FHIT: variants seen among roughly 807,000 people sequenced by gnomAD.
FHIT encodes the protein fragile histidine triad diadenosine triphosphatase.
A neutral mutation model predicts 17.9 loss-of-function variants in FHIT; 19 were observed. The observed-to-expected ratio is 1.06, with a 90% CI of 0.74 to 1.56. The LOEUF (loss-of-function observed/expected upper bound fraction) is 1.56. Ranked by LOEUF, FHIT falls within the 40% of genes most tolerant of loss-of-function variation. The pLI is 0.00. For missense variants in FHIT, 248 were observed against 189.2 expected (o/e 1.31, Z -1.82); for synonymous variants, 81 against 69.7 (o/e 1.16, Z -0.81).
intron 4 of FHIT, among the ~76,000 whole-genome samples, chr3:60,757,721 A>T (rs557176939): frequency 6.6e-6 from 1 of 152,300 alleles, no homozygotes; most frequent in African/African-American, 2.4e-5. Context: ...ATACCACTAG[A>T]GTGCGTTTGG....
At chr3:60,388,158 T>C (rs1701083772) in intron 5 of FHIT, among the ~76,000 whole-genome samples, 1 of 152,194 alleles carries the variant, frequency 6.6e-6, no homozygotes, top group Non-Finnish European at 1.5e-5. Flanking sequence ...GGTATTCTTT[T>C]ACAGCACACA....
chr3:61,106,804 G>C (rs2036004372), intron 2 of FHIT, among the ~76,000 whole-genome samples: 1 of 152,122 alleles, frequency 6.6e-6, no homozygotes, highest in South Asian at 2.1e-4. Flanking sequence ...GGGACTACCG[G>C]CATGAGCCAC....
chr3:60,011,533 T>C (rs536016666), intron 6 of FHIT, 133 bp from the exon 7 acceptor site: 16 of 785,482 alleles, frequency 2.0e-5, no homozygotes, highest in South Asian at 6.2e-5. Context: ...ATGGGGACCA[T>C]TGGCTTCAAA....
chr3:60,729,425 C>T (rs138626612), intron 4 of FHIT, among the ~76,000 whole-genome samples: 1,587 of 152,212 alleles, frequency 0.01, 21 homozygotes, highest in Middle Eastern at 0.031. Context: ...GTGACTGAGT[C>T]CTAAGGTACA....
chr3:60,437,086 A>T lies in FHIT; in HGVS notation c.103+99774T>A, dbSNP rs542311891. 2.6e-5 allele frequency among the ~76,000 whole-genome samples: 4 copies of T among 152,276 alleles called. 1 individual carries two copies. The South Asian group carries it at 8.3e-4, about 32-fold the overall frequency. On this transcript the variant is annotated intron_variant, in intron 5 of 9. Coordinates refer to ENST00000492590, the MANE Select transcript of FHIT (RefSeq NM_002012.4). ...TTCCCCCTGTTCACAGGAGAGGCCA[A>T]CTAAAACCTAAAGTTTAGTACAACT... is the stretch of plus-strand genomic sequence containing the variant.
At chr3:60,152,214 C>T (rs1464183446) in intron 5 of FHIT, among the ~76,000 whole-genome samples, 2 of 152,086 alleles carry the variant, frequency 1.3e-5, no homozygotes, top group Non-Finnish European at 2.9e-5. Flanking sequence ...TAAAAGTTTG[C>T]CTGCAAGGTA....
chr3:60,769,637 G>A (rs1373318757), intron 4 of FHIT, among the ~76,000 whole-genome samples: 1 of 152,216 alleles, frequency 6.6e-6, no homozygotes, highest in Non-Finnish European at 1.5e-5. Context: ...TGACGTACAG[G>A]AATCAGAAGT....
intron 5 of FHIT, among the ~76,000 whole-genome samples, chr3:60,284,985 C>T (rs548757696): frequency 7.9e-5 from 12 of 152,142 alleles, no homozygotes; most frequent in South Asian, 2.1e-4. Context: ...TTGTCTAGTA[C>T]GAAAGAACCA....
intron 2 of FHIT, among the ~76,000 whole-genome samples, chr3:61,089,308 T>G (rs1044080961): frequency 6.6e-6 from 1 of 152,238 alleles, no homozygotes; most frequent in African/African-American, 2.4e-5. Flanking sequence ...CACAATGTTG[T>G]GGAACAACTA....
chr3:60,006,950 C>G (rs540347746), intron 7 of FHIT, among the ~76,000 whole-genome samples: 1 of 152,124 alleles, frequency 6.6e-6, no homozygotes, highest in South Asian at 2.1e-4. Flanking sequence ...TTATCTTCTT[C>G]TTCTAGAGCA....
chr3:61,031,066 C>T (rs766347285), intron 3 of FHIT, among the ~76,000 whole-genome samples: 84 of 152,292 alleles, frequency 5.5e-4, no homozygotes, highest in African/African-American at 1.9e-3. Context: ...AGACAGGTAA[C>T]ATGCTTCAAC....
At chr3:59,974,661 C>A (rs757932704) in intron 7 of FHIT, among the ~76,000 whole-genome samples, 1 of 152,100 alleles carries the variant, frequency 6.6e-6, no homozygotes, top group African/African-American at 2.4e-5. Context: ...CAACTTTATA[C>A]GTACCTAAAT....
At chr3:60,522,218 A>G (rs1033819547) in intron 5 of FHIT, among the ~76,000 whole-genome samples, 7 of 148,838 alleles carry the variant, frequency 4.7e-5, no homozygotes, top group Non-Finnish European at 8.9e-5. Flanking sequence ...TCAAGCAATT[A>G]TCGTGTCTCA....
chr3:60,585,345 A>C (rs1167851124), intron 4 of FHIT, among the ~76,000 whole-genome samples: 13 of 152,020 alleles, frequency 8.6e-5, no homozygotes, highest in Admixed American at 8.5e-4. Context: ...CAATTTTTGG[A>C]GTCAGACACA....
chr3:59,932,509 G>T (rs1706023415), intron 7 of FHIT, among the ~76,000 whole-genome samples: 1 of 152,176 alleles, frequency 6.6e-6, no homozygotes, highest in African/African-American at 2.4e-5. Context: ...AGGAAAGGGA[G>T]CTGTTGTCAT....
intron 8 of FHIT, among the ~76,000 whole-genome samples, chr3:59,837,014 T>C (rs1701361729): frequency 6.6e-6 from 1 of 152,182 alleles, no homozygotes; most frequent in African/African-American, 2.4e-5. Context: ...CATTCAACAC[T>C]AGTATTTGGA....
intron 2 of FHIT, among the ~76,000 whole-genome samples, chr3:61,175,526 TTAATTAATTAA>T (rs1278648422): frequency 1.3e-5 from 2 of 152,224 alleles, no homozygotes; most frequent in East Asian, 3.9e-4. Context: ...AAACTTAAAT[TTAATTAATTAA>T]TAATTAATTA....
At chr3:60,801,051 T>C (rs1701169942) in intron 4 of FHIT, among the ~76,000 whole-genome samples, 3 of 152,148 alleles carry the variant, frequency 2.0e-5, no homozygotes, top group African/African-American at 7.2e-5. Context: ...AATATAAGTA[T>C]ACATTCTCAA....
intron 5 of FHIT, among the ~76,000 whole-genome samples, chr3:60,343,597 C>G (rs890431280): frequency 6.6e-6 from 1 of 152,168 alleles, no homozygotes; most frequent in African/African-American, 2.4e-5. Flanking sequence ...TTCCACTACG[C>G]TTTGCCATCA....
Sources: allele counts gnomAD v4.1 joint callset (sites outside exome capture counted in the v4.1 genomes callset), GRCh38; gene constraint gnomAD v4.1.1; transcripts MANE v1.5; gene names NCBI Gene and HGNC (gene_info 2026-07-23, HGNC 2026-07-21).